The following WIZ variants were observed in gnomAD, a reference collection of about 807,000 sequenced individuals.
The protein encoded by WIZ is protein Wiz.
Under a neutral mutation model 140.2 loss-of-function variants are expected in WIZ, and 25 were observed. The ratio of observed to expected loss-of-function variants is 0.18; its 90% confidence interval spans 0.13 to 0.25. WIZ has a LOEUF of 0.25. Among genes scored for constraint, WIZ ranks in the 10% least tolerant of loss-of-function variants. The pLI is 1.00. For missense variants in WIZ, 2,231 were observed against 2,632.6 expected (o/e 0.85, Z 3.34); for synonymous variants, 1,125 against 1,154.3 (o/e 0.97, Z 0.51).
At position 15,429,566 on chromosome 19, in the gene WIZ, C is replaced by G; in HGVS notation, c.3415+20G>C. On this transcript the variant is annotated intron_variant, in intron 7 of 12. Transcript: ENST00000673675. ...CTCCCAGCGCCAGAACCTCCCTCGG[C>G]TCTTGGGACCCACACTCACTGAGGT... 7.6e-7 allele frequency: 1 copy of G among 1,323,888 alleles called. No homozygotes were observed. The highest frequency in any genetic ancestry group is 9.6e-7 in the Non-Finnish European group (1 of 1,037,922). The allele number at this position is 1,323,888 out of a possible 1,614,324, so 82.0% of individuals were successfully genotyped here.
Position 15,442,663 on chromosome 19 carries a change from G to A in WIZ, c.278+13C>T, listed in dbSNP as rs572111612. 5.7e-6 allele frequency: 7 copies of A among 1,232,388 alleles called. No homozygotes were observed. Among genetic ancestry groups the A allele is most frequent in the Non-Finnish European group, 7.1e-6 (7 of 988,134 alleles). The allele number at this position is 1,232,388 out of a possible 1,614,324, so 76.3% of individuals were successfully genotyped here. ...CCTGCCCTCCCTGAGGTCAGGGCCA[G>A]CATGGCACTCACCAGCTGCTGATCC... On this transcript the variant is annotated intron_variant, in intron 3 of 12. Coordinates refer to ENST00000673675, the MANE Select transcript of WIZ (RefSeq NM_001371589.1). This position sits in a 1 kb window ranked among gnomAD's most constrained non-coding sequence, Gnocchi z 5.5.
Position 15,424,510 on chromosome 19 carries a change from C to A in WIZ, c.5314+103G>T. 3 of 1,530,720 alleles carry A rather than the reference C, an allele frequency of 2.0e-6. No individual in the cohort carries two copies. Among genetic ancestry groups the A allele is most frequent in the Non-Finnish European group, 2.6e-6 (3 of 1,140,108 alleles). The allele number at this position is 1,530,720 out of a possible 1,614,324, so 94.8% of individuals were successfully genotyped here. A position where few individuals can be genotyped will look rare whatever the true frequency, so the allele number is the denominator to read the frequency against. On this transcript the variant is annotated intron_variant, in intron 11 of 12. Transcript: ENST00000673675. This position sits in a 1 kb window ranked among gnomAD's most constrained non-coding sequence, Gnocchi z 9.7. ...GATGGATGGGTGAATGGGTAAGCAA[C>A]TGGAGAAAGGACTTAAGGGCCACAG...
chr19:15,429,595 A>G lies in WIZ; in HGVS notation c.3406T>C (p.Leu1136=). 1 of 1,378,946 alleles carries G rather than the reference A, an allele frequency of 7.3e-7. No homozygotes were observed. Among genetic ancestry groups the G allele is most frequent in the South Asian group, 1.8e-5 (1 of 56,050 alleles). The allele number at this position is 1,378,946 out of a possible 1,614,324, so 85.4% of individuals were successfully genotyped here. A position where few individuals can be genotyped will look rare whatever the true frequency, so the allele number is the denominator to read the frequency against. Residue 1136 remains leucine, a synonymous_variant, in exon 7 of 13, where the codon TTG becomes CTG. Coordinates refer to ENST00000673675, the MANE Select transcript of WIZ (RefSeq NM_001371589.1). ...QWPQSEDEGP[L]NLTLDSDGGR... is the part of the protein sequence containing the mutation. ...TGGGACCCACACTCACTGAGGTTCAAGGGCCCCTCATCCTCAGACTGAGGC... is the reference window on the plus strand; with the variant it reads ...TGGGACCCACACTCACTGAGGTTCAGGGGCCCCTCATCCTCAGACTGAGGC...
At chr19:15,438,489 C>T (rs903245773) in intron 4 of WIZ, 89 bp downstream of exon 4, 2 of 1,374,388 alleles carry the variant, frequency 1.5e-6, no homozygotes, top group Non-Finnish European at 1.9e-6. Flanking sequence ...CCAGTGTCCC[C>T]CTGCTTGGCG....
intron 1 of WIZ, among the ~76,000 whole-genome samples, chr19:15,448,811 A>G (rs917065712): frequency 3.3e-5 from 5 of 152,006 alleles, no homozygotes; most frequent in Middle Eastern, 3.4e-3. Context: ...CTCTGATCCT[A>G]TACACCGTCA....
chr19:15,449,193 G>A (rs986455875), intron 1 of WIZ, among the ~76,000 whole-genome samples: 2 of 152,162 alleles, frequency 1.3e-5, no homozygotes, highest in Non-Finnish European at 2.9e-5. Flanking sequence ...GAAAGTGAAG[G>A]GCAGGAATGA....
At position 15,442,785 on chromosome 19, in the gene WIZ, C is replaced by A; in HGVS notation, c.206-37G>T. On this transcript the variant is annotated intron_variant, in intron 2 of 12. Transcript: ENST00000673675. The surrounding 1 kb of genome is among the most constrained non-coding windows in gnomAD (Gnocchi z 5.5). ...AGGGGAGACCCTGAGGGGCTGGGGT[C>A]CCCCTGGCCGGGGCCCTCCACACCC... is the stretch of plus-strand genomic sequence containing the variant. 1 of 1,216,822 alleles carries A rather than the reference C, an allele frequency of 8.2e-7. No individual in the cohort carries two copies. The highest frequency in any genetic ancestry group is 1.0e-6 in the Non-Finnish European group (1 of 974,240). 75.4% of individuals were successfully genotyped at this position (1,216,822 alleles called of 1,614,324 possible). A position where few individuals can be genotyped will look rare whatever the true frequency, so the allele number is the denominator to read the frequency against.
Position 15,422,267 on chromosome 19 carries a change from A to G in WIZ, c.*809T>C, listed in dbSNP as rs539554431. 6.6e-6 allele frequency: 1 copy of G among 152,342 alleles called. No homozygotes were observed. Among genetic ancestry groups the G allele is most frequent in the Admixed American group, 6.5e-5 (1 of 15,306 alleles). The allele number at this position is 152,342 out of a possible 1,614,324, so 9.4% of individuals were successfully genotyped here. A position where few individuals can be genotyped will look rare whatever the true frequency, so the allele number is the denominator to read the frequency against. ...TTCTCTACACAAAACGCGTTTTTAAAAAAGTGAAAGGTCTAGGGAGCTATA... is the reference window on the plus strand; with the variant it reads ...TTCTCTACACAAAACGCGTTTTTAAGAAAGTGAAAGGTCTAGGGAGCTATA... On this transcript the variant is annotated 3_prime_UTR_variant, in exon 13 of 13. Transcript: ENST00000673675.
chr19:15,430,879 T>A (rs1166453645), intron 6 of WIZ, 133 bp downstream of exon 6: 6 of 1,163,344 alleles, frequency 5.2e-6, no homozygotes, highest in Non-Finnish European at 7.0e-6. Flanking sequence ...AGTGCCAACC[T>A]TGGTGCCTCA....
chr19:15,429,649 G>T lies in WIZ; in HGVS notation c.3352C>A (p.Pro1118Thr). The change falls in exon 7 of 13, where the codon CCC (proline) becomes ACC (threonine). Residue 1118 changes from proline to threonine, a missense_variant. Coordinates refer to ENST00000673675, the MANE Select transcript of WIZ (RefSeq NM_001371589.1). ...TGTGCCTTTGGGGAGGCCGGCCGGGGGCTCAGGGACAGCTGGGGGCTCTTG... is the reference window on the plus strand; with the variant it reads ...TGTGCCTTTGGGGAGGCCGGCCGGGTGCTCAGGGACAGCTGGGGGCTCTTG... ...EDKSPQLSLS[P>T]RPASPKAQWP... The T allele has an allele frequency of 7.0e-7, 1 of 1,420,266 alleles. No individual in the cohort carries two copies. The highest frequency in any genetic ancestry group is 9.2e-7 in the Non-Finnish European group (1 of 1,090,172). 88.0% of individuals were successfully genotyped at this position (1,420,266 alleles called of 1,614,324 possible).
chr19:15,436,131 AG>A (rs1032680677), intron 5 of WIZ, among the ~76,000 whole-genome samples: 1 of 152,210 alleles, frequency 6.6e-6, no homozygotes, highest in African/African-American at 2.4e-5. Flanking sequence ...TCGAAAAAAA[AG>A]AAAATCTAGA....
At chr19:15,423,393 T>C (rs1968499294) in intron 12 of WIZ, among the ~76,000 whole-genome samples, 158 bp from the exon 13 acceptor site, 1 of 152,208 alleles carries the variant, frequency 6.6e-6, no homozygotes, top group East Asian at 1.9e-4. Flanking sequence ...GCGTTTCCCA[T>C]GGACAGCCAC....
At position 15,435,253 on chromosome 19, in the gene WIZ, G is replaced by A. The variant is rs75843241; in HGVS notation, c.2740+1553C>T. Among the ~76,000 whole-genome samples, 551 of 151,972 alleles carry A rather than the reference G, an allele frequency of 3.6e-3. 5 individuals are homozygous for A. Among genetic ancestry groups the A allele is most frequent in the African/African-American group, 0.013 (533 of 41,484 alleles). ...ACAAACAAAAAAAAACAGAAACACA[G>A]CAATCTTAGTTGTACAGACTTACAT... On this transcript the variant is annotated intron_variant, in intron 5 of 12. Transcript: ENST00000673675.
chr19:15,441,103 T>C (rs1969729064), intron 3 of WIZ, among the ~76,000 whole-genome samples: 1 of 152,226 alleles, frequency 6.6e-6, no homozygotes, highest in Non-Finnish European at 1.5e-5. Context: ...TCTGTCTTGG[T>C]TCTCCCCAAA....
chr19:15,434,956 CG>C (rs1241231412), intron 5 of WIZ, among the ~76,000 whole-genome samples: 1 of 151,960 alleles, frequency 6.6e-6, no homozygotes, highest in African/African-American at 2.4e-5. Context: ...ATGGCCGGTG[CG>C]GTGGCTCACA....
rs1343697318 is a variant in WIZ at position 15,425,344 on chromosome 19, C to T, written c.4791G>A (p.Leu1597=). The change falls in exon 10 of 13, where the codon CTG becomes CTA. Residue 1597 remains leucine (L), a synonymous_variant. Coordinates refer to ENST00000673675, the MANE Select transcript of WIZ (RefSeq NM_001371589.1). ...CTGCTGGGAGGAGGCGGTCCTCCTG[C>T]AGGGGCCGCTTGGCTGCCACTGAGC... ...YLGSVAAKRP[L]QEDRLLPAEV... The T allele has an allele frequency of 6.4e-7, 1 of 1,561,502 alleles. No individual in the cohort carries two copies. The highest frequency in any genetic ancestry group is 1.2e-5 in the South Asian group (1 of 85,436).
intron 5 of WIZ, among the ~76,000 whole-genome samples, chr19:15,434,505 G>GT (rs1184711593): frequency 6.6e-6 from 1 of 150,454 alleles, no homozygotes; most frequent in Non-Finnish European, 1.5e-5. Context: ...GGAGCTTGTA[G>GT]TGAGCCGAGA....
chr19:15,440,708 C>A lies in WIZ; in HGVS notation c.286G>T (p.Asp96Tyr). The A allele has an allele frequency of 6.7e-7, 1 of 1,490,646 alleles. No individual in the cohort carries two copies. 92.3% of individuals were successfully genotyped at this position (1,490,646 alleles called of 1,614,324 possible). A position where few individuals can be genotyped will look rare whatever the true frequency, so the allele number is the denominator to read the frequency against. ...GGCCGGAAGTCCAGGCTGCCTCCAT[C>A]CCAGCAGCTGCAAGGAAGTGCCAAT... Reference protein sequence around the residue: ...ATHRISSCCWDGGSLDFRPGS... With the variant: ...ATHRISSCCWYGGSLDFRPGS... The change falls in exon 4 of 13, where the codon GAT becomes TAT. Residue 96 changes from aspartate to tyrosine, a missense_variant. Asp to Tyr is a radical substitution (Grantham distance 160). Transcript: ENST00000673675. The surrounding 1 kb of genome is among the most constrained non-coding windows in gnomAD (Gnocchi z 6.2).
At chr19:15,437,169 G>A (rs1008765229) in intron 4 of WIZ, 40 bp from the exon 5 acceptor site, 12 of 1,517,372 alleles carry the variant, frequency 7.9e-6, no homozygotes, top group Non-Finnish European at 1.1e-5. Context: ...TGGAGAGGGG[G>A]CTACTCCCCA....
Sources: allele counts gnomAD v4.1 joint callset (sites outside exome capture counted in the v4.1 genomes callset), GRCh38; gene constraint gnomAD v4.1.1; non-coding constraint Gnocchi (gnomAD v3.1); transcripts MANE v1.5; gene names NCBI Gene and HGNC (gene_info 2026-07-23, HGNC 2026-07-21).